The following ALDH9A1 variants were observed in gnomAD, a reference collection of about 807,000 sequenced individuals.
The protein encoded by ALDH9A1 is 4-trimethylaminobutyraldehyde dehydrogenase.
ALDH9A1 carries 42 observed loss-of-function variants against 56.6 expected under a neutral mutation model. The observed-to-expected ratio is 0.74, with a 90% confidence interval of 0.58 to 0.96. The LOEUF (loss-of-function observed/expected upper bound fraction) is 0.96. Among genes scored for constraint, ALDH9A1 ranks in the 40% least tolerant of loss-of-function variants. The pLI, the probability that ALDH9A1 is intolerant of heterozygous loss-of-function variation, is 0.00. For synonymous variants in ALDH9A1, 242 were observed against 236.0 expected, an observed-to-expected ratio of 1.03 and a Z score of -0.23; for missense variants, 661 against 651.5, an observed-to-expected ratio of 1.01 and a Z score of -0.16.
chr1:165,679,429 G>A lies in ALDH9A1; in HGVS notation c.930+13C>T, dbSNP rs759688639. On this transcript the variant is annotated intron_variant, in intron 6 of 10. Transcript: ENST00000354775. ...AGATTCCTTTTACACCTCTTCCAGG[G>A]ACAGGTACATACCTGGCCTTGTGTG... 6.2e-7 allele frequency: 1 copy of A among 1,613,796 alleles called. No homozygotes were observed. The highest frequency in any genetic ancestry group is 2.2e-5 in the East Asian group (1 of 44,872).
At position 165,698,370 on chromosome 1, in the gene ALDH9A1, G is replaced by A. The variant is rs1650165229; in HGVS notation, c.181+8C>T. The A allele has an allele frequency of 1.3e-6, 2 of 1,587,306 alleles. No individual in the cohort carries two copies. Among genetic ancestry groups the A allele is most frequent in the South Asian group, 2.3e-5 (2 of 88,462 alleles). ...GGCGCCCCAGCCTCCCCGGCTCGTT[G>A]CAGTTACCGGTTGCTGGCTCGAAAG... On this transcript the variant is annotated splice_region_variant and intron_variant, in intron 1 of 10. Coordinates refer to ENST00000354775, the MANE Select transcript of ALDH9A1 (RefSeq NM_000696.4).
chr1:165,690,230 A>G (rs975109923), intron 2 of ALDH9A1, among the ~76,000 whole-genome samples: 1 of 150,446 alleles, frequency 6.6e-6, no homozygotes, highest in Non-Finnish European at 1.5e-5. Flanking sequence ...TGTATGTAAT[A>G]TATACACATA....
chr1:165,683,366 G>A (rs947926222), intron 2 of ALDH9A1, among the ~76,000 whole-genome samples: 1 of 152,040 alleles, frequency 6.6e-6, no homozygotes, highest in Non-Finnish European at 1.5e-5. Context: ...TAAAAGAAGG[G>A]GCAAGACCGG....
At chr1:165,672,968 TACAAAC>T (rs1174122249) in intron 6 of ALDH9A1, among the ~76,000 whole-genome samples, 119 of 60,626 alleles carry the variant, frequency 2.0e-3, no homozygotes, top group Non-Finnish European at 3.1e-3. Context: ...ATAAAAAAAA[TACAAAC>T]ACACACACAC....
chr1:165,692,909 C>G (rs2101757892), intron 2 of ALDH9A1, among the ~76,000 whole-genome samples: 1 of 152,068 alleles, frequency 6.6e-6, no homozygotes, highest in South Asian at 2.1e-4. Flanking sequence ...GAAATAATAC[C>G]ACACATCTAC....
chr1:165,694,474 A>G (rs1320375316), intron 2 of ALDH9A1, among the ~76,000 whole-genome samples: 1 of 150,128 alleles, frequency 6.7e-6, no homozygotes, highest in South Asian at 2.2e-4. Flanking sequence ...AAAATTGTAT[A>G]TATTTATGAT....
At chr1:165,675,708 G>T (rs892820327) in intron 6 of ALDH9A1, among the ~76,000 whole-genome samples, 2 of 152,094 alleles carry the variant, frequency 1.3e-5, no homozygotes, top group Admixed American at 1.3e-4. Flanking sequence ...AAACCCAAAT[G>T]AATACAAACA....
At chr1:165,664,913 G>T in intron 10 of ALDH9A1, 105 bp downstream of exon 10, 1 of 856,928 alleles carries the variant, frequency 1.2e-6, no homozygotes. Context: ...TATTTCCCCA[G>T]GTAATTCAGA....
Position 165,665,085 on chromosome 1 carries a change from C to G in ALDH9A1, c.1395G>C (p.Gly465=). 2 of 1,613,964 alleles carry G rather than the reference C, an allele frequency of 1.2e-6. No individual in the cohort carries two copies. Among genetic ancestry groups the G allele is most frequent in the Non-Finnish European group, 8.5e-7 (1 of 1,179,922 alleles). ...CGTTATAGTTGTTAATGAAGCACGT[C>G]CCAGCCTGAAGCTCAGCTACCACTC... ...AHRVVAELQA[G]TCFINNYNVS... The change falls in exon 10 of 11, where the codon GGG becomes GGC. Residue 465 remains glycine, a synonymous_variant. Transcript: ENST00000354775.
chr1:165,685,473 A>G (rs980286932), intron 2 of ALDH9A1, among the ~76,000 whole-genome samples: 1 of 152,200 alleles, frequency 6.6e-6, no homozygotes, highest in African/African-American at 2.4e-5. Context: ...TACAACAATC[A>G]CCTTGTCCAG....
chr1:165,695,487 CTTTTTT>C, intron 1 of ALDH9A1, 90 bp from the exon 2 acceptor site: 52 of 337,760 alleles, frequency 1.5e-4, no homozygotes, highest in East Asian at 4.1e-4. Flanking sequence ...TAGTAGTAGT[CTTTTTT>C]TTTTTTTTTT....
chr1:165,669,535 T>C, intron 6 of ALDH9A1, 85 bp from the exon 7 acceptor site: 1 of 1,224,776 alleles, frequency 8.2e-7, no homozygotes, highest in South Asian at 1.7e-5. Flanking sequence ...CTAAAAACTT[T>C]AAACTGAAAA....
chr1:165,662,279 C>G lies in ALDH9A1; in HGVS notation c.*771G>C, dbSNP rs900786799. 4 of 152,188 alleles carry G rather than the reference C, an allele frequency of 2.6e-5. No individual in the cohort carries two copies. The highest frequency in any genetic ancestry group is 7.2e-5 in the African/African-American group (3 of 41,424). The allele number at this position is 152,188 out of a possible 1,614,324, so 9.4% of individuals were successfully genotyped here. A position where few individuals can be genotyped will look rare whatever the true frequency, so the allele number is the denominator to read the frequency against. On this transcript the variant is annotated 3_prime_UTR_variant, in exon 11 of 11. Coordinates refer to ENST00000354775, the MANE Select transcript of ALDH9A1 (RefSeq NM_000696.4). ...TACATTAGCATACAAATAATTTGTA[C>G]ATTTAAAGGGTAGCTCCACTGGTGT...
intron 9 of ALDH9A1, among the ~76,000 whole-genome samples, chr1:165,665,531 G>C (rs1300786787): frequency 2.0e-5 from 3 of 152,044 alleles, no homozygotes; most frequent in Admixed American, 6.6e-5. Flanking sequence ...AGAAAACAGA[G>C]GAATAAATCT....
intron 2 of ALDH9A1, among the ~76,000 whole-genome samples, chr1:165,688,023 T>TAGAAAAGA (rs1490799639): frequency 6.5e-5 from 1 of 15,292 alleles, no homozygotes; most frequent in African/African-American, 1.9e-4. Flanking sequence ...GAAAAGAAAT[T>TAGAAAAGA]AATTAATTCT....
chr1:165,683,310 A>G (rs372143280), intron 2 of ALDH9A1, among the ~76,000 whole-genome samples, 200 bp from the exon 3 acceptor site: 1 of 143,556 alleles, frequency 7.0e-6, no homozygotes, highest in Non-Finnish European at 1.5e-5. Context: ...CTCGTTAATT[A>G]ATCGACAAAG....
intron 2 of ALDH9A1, among the ~76,000 whole-genome samples, chr1:165,689,487 G>A (rs139554294): frequency 2.0e-5 from 3 of 152,316 alleles, no homozygotes; most frequent in African/African-American, 7.2e-5. Flanking sequence ...TCTCCCCAGA[G>A]AAGAGGATGG....
In ALDH9A1 at chr1:165,680,593, C is replaced by T; in HGVS notation, c.683G>A (p.Gly228Glu). 6.2e-7 allele frequency: 1 copy of T among 1,614,108 alleles called. No individual in the cohort carries two copies. Among genetic ancestry groups the T allele is most frequent in the Non-Finnish European group, 8.5e-7 (1 of 1,180,016 alleles). The change falls in exon 5 of 11, where the codon GGG becomes GAG. Residue 228 changes from glycine (G) to glutamate (E), a missense_variant. Coordinates refer to ENST00000354775, the MANE Select transcript of ALDH9A1 (RefSeq NM_000696.4). The stretch of plus-strand genomic sequence containing the variant: ...CCCTCCCTGCACCACATTGAAGAGC[C>T]CAGGAGGTACACCAGCCTCACTGTA... ...EIYSEAGVPPGLFNVVQGGAA... is the reference protein window; with the variant it reads ...EIYSEAGVPPELFNVVQGGAA...
At position 165,688,661 on chromosome 1, in the gene ALDH9A1, T is replaced by C. The variant is rs190042468; in HGVS notation, c.328-5551A>G. On this transcript the variant is annotated intron_variant, in intron 2 of 10. Transcript: ENST00000354775. ...AGGTTGAGGCTGTAGTGAGCCATGA[T>C]TGTGCCACTGCACTCCAGCCTGGGT... 6.6e-5 allele frequency among the ~76,000 whole-genome samples: 10 copies of C among 152,262 alleles called. No individual in the cohort carries two copies. In the East Asian group the frequency reaches 1.4e-3, roughly 21 times the overall value.
Sources: gnomAD v4.1 joint callset for allele counts (sites outside exome capture counted in the v4.1 genomes callset) on GRCh38, gnomAD v4.1.1 for gene constraint, MANE v1.5 for transcripts, NCBI Gene and HGNC (gene_info 2026-07-23, HGNC 2026-07-21) for gene names.